Variants in BRSK2 observed in about 807,000 individuals in gnomAD.
BRSK2 encodes the protein serine/threonine-protein kinase BRSK2.
In BRSK2, 19 loss-of-function variants were observed where a neutral mutation model predicts 83.3. That is an observed-to-expected ratio of 0.23 (90% CI 0.16 to 0.33). BRSK2 has a LOEUF of 0.33. Among genes scored for constraint, BRSK2 ranks in the 10% least tolerant of loss-of-function variants. The pLI is 1.00. For synonymous variants in BRSK2, 519 were observed against 435.4 expected (o/e 1.19, Z -2.39); for missense variants, 798 against 1,042.3 (o/e 0.77, Z 3.23).
chr11:1,393,475 C>T (rs4881747), intron 1 of BRSK2, among the ~76,000 whole-genome samples: 8,409 of 152,182 alleles, frequency 0.055, 275 homozygotes, highest in Admixed American at 0.089. Context: ...GAATAATGGC[C>T]GCGATAGGGC....
Position 1,390,476 on chromosome 11 carries a change from C to T in BRSK2, c.91+101C>T. The T allele has an allele frequency of 1.7e-6, 1 of 582,060 alleles. No individual in the cohort carries two copies. The highest frequency in any genetic ancestry group is 2.2e-6 in the Non-Finnish European group (1 of 463,000). The allele number at this position is 582,060 out of a possible 1,614,324, so 36.1% of individuals were successfully genotyped here. On this transcript the variant is annotated intron_variant, in intron 1 of 19. Coordinates refer to ENST00000528841, the MANE Select transcript of BRSK2 (RefSeq NM_001256627.2). This position sits in a 1 kb window ranked among gnomAD's most constrained non-coding sequence, Gnocchi z 6.8. ...AGGCCCCGGCCGCGAAGCCGCAGGC[C>T]CGGCCCGGGCCCCGGCCGCGAACAA...
chr11:1,453,523 C>T (rs1334794128), intron 15 of BRSK2, among the ~76,000 whole-genome samples: 1 of 152,202 alleles, frequency 6.6e-6, no homozygotes, highest in Admixed American at 6.5e-5. Flanking sequence ...GAGTTTTGAA[C>T]CCAGAACAGA....
At chr11:1,455,139 CTT>C (rs1846329847) in intron 16 of BRSK2, among the ~76,000 whole-genome samples, 1 of 152,146 alleles carries the variant, frequency 6.6e-6, no homozygotes, top group Admixed American at 6.5e-5. Context: ...CTTCATTTGT[CTT>C]TGCTGGGCAT....
intron 1 of BRSK2, among the ~76,000 whole-genome samples, chr11:1,412,394 C>T (rs1847609752): frequency 2.8e-5 from 1 of 35,712 alleles, no homozygotes; most frequent in Admixed American, 2.7e-4. Flanking sequence ...CCCCGTCCTG[C>T]GGTGGGTGGA....
At chr11:1,441,664 C>G (rs1289770348) in intron 4 of BRSK2, among the ~76,000 whole-genome samples, 1 of 18,710 alleles carries the variant, frequency 5.3e-5, no homozygotes, top group Non-Finnish European at 8.9e-5. Context: ...AGTGCACCAT[C>G]CCCCCCATTA....
In BRSK2 at chr11:1,449,791, C is replaced by T. The variant is rs371004156; in HGVS notation, c.1242C>T (p.Ser414=). The T allele has an allele frequency of 1.8e-4, 284 of 1,612,290 alleles. No homozygotes were observed. The highest frequency in any genetic ancestry group is 5.0e-4 in the Middle Eastern group (3 of 6,056). Residue 414 remains serine, a synonymous_variant, in exon 13 of 20, where the codon AGC becomes AGT. Coordinates refer to ENST00000528841, the MANE Select transcript of BRSK2 (RefSeq NM_001256627.2). ...AQHGQRSRSI[S]GASSGLSTSP... ...TGACCTCCAGGTCTCGGTCCATCAG[C>T]GGTGCCTCCTCAGGCCTTTCCACCA...
chr11:1,444,258 G>C (rs1851728051), intron 8 of BRSK2, among the ~76,000 whole-genome samples: 1 of 152,168 alleles, frequency 6.6e-6, no homozygotes, highest in Non-Finnish European at 1.5e-5. Context: ...GCTAGCAAGA[G>C]CCAAAGGTAG....
At chr11:1,402,858 G>GC (rs1300264975) in intron 1 of BRSK2, among the ~76,000 whole-genome samples, 2 of 152,176 alleles carry the variant, frequency 1.3e-5, no homozygotes, top group Admixed American at 6.5e-5. Flanking sequence ...AGAGTGAGGG[G>GC]CTGTGACTGC....
chr11:1,429,425 T>G (rs1466001114), intron 1 of BRSK2, among the ~76,000 whole-genome samples: 1 of 116,254 alleles, frequency 8.6e-6, no homozygotes, highest in Non-Finnish European at 1.8e-5. Flanking sequence ...CGCATGGAGG[T>G]ATGCACACAC....
intron 18 of BRSK2, among the ~76,000 whole-genome samples, chr11:1,457,937 A>G (rs536409307): frequency 6.0e-4 from 91 of 152,244 alleles, no homozygotes; most frequent in African/African-American, 2.0e-3. Context: ...CACAGCGGGT[A>G]AGGAGGAGCA....
chr11:1,391,764 T>A (rs572296613), intron 1 of BRSK2, among the ~76,000 whole-genome samples: 2 of 152,164 alleles, frequency 1.3e-5, no homozygotes. Context: ...GGCAGCAGGA[T>A]GCAGGAGTCA....
intron 8 of BRSK2, 103 bp downstream of exon 8, chr11:1,443,738 C>T: frequency 1.5e-6 from 2 of 1,358,504 alleles, no homozygotes; most frequent in Non-Finnish European, 1.9e-6. Flanking sequence ...GTGTGGGCAC[C>T]CAGGTGTGTG....
In BRSK2 at chr11:1,454,172, G is replaced by A. The variant is rs971180141; in HGVS notation, c.1545-313G>A. 3 of 251,496 alleles carry A rather than the reference G, an allele frequency of 1.2e-5. No homozygotes were observed. The highest frequency in any genetic ancestry group is 5.4e-5 in the South Asian group (1 of 18,548). The allele number at this position is 251,496 out of a possible 1,614,324, so 15.6% of individuals were successfully genotyped here. A position where few individuals can be genotyped will look rare whatever the true frequency, so the allele number is the denominator to read the frequency against. On this transcript the variant is annotated intron_variant, in intron 15 of 19. Transcript: ENST00000528841. This position sits in a 1 kb window ranked among gnomAD's most constrained non-coding sequence, Gnocchi z 5.2. Reference sequence around the variant, plus strand: ...GGCCTTGGTGAGGGGGGGCTCACCTGTGGGGGGCTCACCTGTGGAGGGGCA... The same window carrying A: ...GGCCTTGGTGAGGGGGGGCTCACCTATGGGGGGCTCACCTGTGGAGGGGCA...
chr11:1,460,406 C>T, intron 19 of BRSK2, 94 bp from the exon 20 acceptor site: 1 of 906,024 alleles, frequency 1.1e-6, no homozygotes, highest in Non-Finnish European at 1.5e-6. Context: ...TGTTTGTTCT[C>T]TTTCTCTCTC....
At chr11:1,420,849 G>A (rs981464518) in intron 1 of BRSK2, among the ~76,000 whole-genome samples, 6 of 152,034 alleles carry the variant, frequency 3.9e-5, no homozygotes, top group Admixed American at 2.0e-4. Context: ...GCAGGTGCCC[G>A]GCAACTCCCT....
At chr11:1,440,998 C>T (rs1380702520) in intron 4 of BRSK2, 70 bp downstream of exon 4, 34 of 1,401,784 alleles carry the variant, frequency 2.4e-5, no homozygotes, top group Non-Finnish European at 3.1e-5. Flanking sequence ...CACAGATGCC[C>T]CCTGTGCCCC....
rs567374484 is a variant in BRSK2 at position 1,450,477 on chromosome 11, G to A, written c.1288-110G>A. ...ACCCCAGCCCGGCCTCCCGCCACTG[G>A]CCTTTGTCCCCAGCTGGCACCACCC... is the stretch of plus-strand genomic sequence containing the variant. On this transcript the variant is annotated intron_variant, in intron 13 of 19. Transcript: ENST00000528841. The A allele has an allele frequency of 1.4e-3, 836 of 603,708 alleles. 1 individual carries two copies. The highest frequency in any genetic ancestry group is 2.0e-3 in the Non-Finnish European group (685 of 344,950). 37.4% of individuals were successfully genotyped at this position (603,708 alleles called of 1,614,324 possible). A position where few individuals can be genotyped will look rare whatever the true frequency, so the allele number is the denominator to read the frequency against.
intron 1 of BRSK2, among the ~76,000 whole-genome samples, chr11:1,418,250 G>A (rs1396546138): frequency 1.4e-5 from 2 of 145,380 alleles, no homozygotes; most frequent in African/African-American, 2.6e-5. Flanking sequence ...ACTGTGTCCT[G>A]CTTCTGTGGG....
chr11:1,428,609 T>G (rs558672191), intron 1 of BRSK2, among the ~76,000 whole-genome samples: 5 of 152,188 alleles, frequency 3.3e-5, no homozygotes, highest in African/African-American at 7.2e-5. Context: ...CCCAGGTGGT[T>G]GTCAGGCTCC....
Sources: allele counts gnomAD v4.1 joint callset (sites outside exome capture counted in the v4.1 genomes callset), GRCh38; gene constraint gnomAD v4.1.1; non-coding constraint Gnocchi (gnomAD v3.1); transcripts MANE v1.5; gene names NCBI Gene and HGNC (gene_info 2026-07-23, HGNC 2026-07-21).